Variants in RAB29 observed in about 807,000 individuals in gnomAD.
RAB29 encodes the protein RAB29, member RAS oncogene family.
A neutral mutation model predicts 25.5 loss-of-function variants in RAB29; 13 were observed. The observed-to-expected ratio is 0.51, with a 90% CI of 0.33 to 0.81. The LOEUF (loss-of-function observed/expected upper bound fraction) is 0.81. Ranked by LOEUF, RAB29 falls within the 30% of genes least tolerant of loss-of-function variation. The pLI is 0.02. For synonymous variants in RAB29, 88 were observed against 95.0 expected (o/e 0.93, Z 0.43); for missense variants, 201 against 254.9 (o/e 0.79, Z 1.44).
rs945479241 is a variant in RAB29 at position 205,769,313 on chromosome 1, C to T, written c.*1029G>A. The stretch of plus-strand genomic sequence containing the variant: ...TCACTTGCAGTATTATGCATTAAGA[C>T]ATCAACCCAGAAACCTGCAAATGGG... On this transcript the variant is annotated 3_prime_UTR_variant, in exon 6 of 6. Coordinates refer to ENST00000367139, the MANE Select transcript of RAB29 (RefSeq NM_003929.3). 5.9e-5 allele frequency: 9 copies of T among 152,212 alleles called. No homozygotes were observed. Among genetic ancestry groups the T allele is most frequent in the African/African-American group, 2.2e-4 (9 of 41,448 alleles). 9.4% of individuals were successfully genotyped at this position (152,212 alleles called of 1,614,324 possible). A position where few individuals can be genotyped will look rare whatever the true frequency, so the allele number is the denominator to read the frequency against.
In RAB29 at chr1:205,769,237, C is replaced by A. The variant is rs1654866349; in HGVS notation, c.*1105G>T. ...TCTCTTTTCTTCTTCCATTCAGATT[C>A]CCAAAGCTGTGAGGAGCAGACCTAT... On this transcript the variant is annotated 3_prime_UTR_variant, in exon 6 of 6. Transcript: ENST00000367139. 1 of 152,132 alleles carries A rather than the reference C, an allele frequency of 6.6e-6. No individual in the cohort carries two copies. Among genetic ancestry groups the A allele is most frequent in the African/African-American group, 2.4e-5 (1 of 41,380 alleles). 9.4% of individuals were successfully genotyped at this position (152,132 alleles called of 1,614,324 possible). A position where few individuals can be genotyped will look rare whatever the true frequency, so the allele number is the denominator to read the frequency against.
In RAB29 at chr1:205,770,212, A is replaced by G. The variant is rs1654916088; in HGVS notation, c.*130T>C. ...TTCCAGGTGTCTTTTCTAAGTGACA[A>G]TGGGCCTCCTTACTGGACAGTAGTC... On this transcript the variant is annotated 3_prime_UTR_variant, in exon 6 of 6. Coordinates refer to ENST00000367139, the MANE Select transcript of RAB29 (RefSeq NM_003929.3). The G allele has an allele frequency of 5.3e-6, 4 of 759,666 alleles. No homozygotes were observed. The East Asian group carries it at 8.0e-5, about 15-fold the overall frequency. 47.1% of individuals were successfully genotyped at this position (759,666 alleles called of 1,614,324 possible). A position where few individuals can be genotyped will look rare whatever the true frequency, so the allele number is the denominator to read the frequency against.
intron 3 of RAB29, 103 bp downstream of exon 3, chr1:205,772,393 T>C (rs2102478134): frequency 8.3e-7 from 1 of 1,199,706 alleles, no homozygotes; most frequent in East Asian, 2.3e-5. Context: ...TCATTCCAGC[T>C]TCAGAAAAAC....
Position 205,770,384 on chromosome 1 carries a change from G to A in RAB29, c.570C>T (p.Tyr190=). 6.2e-7 allele frequency: 1 copy of A among 1,614,160 alleles called. No individual in the cohort carries two copies. The change falls in exon 6 of 6, where the codon TAC becomes TAT. Residue 190 remains tyrosine (Y), a synonymous_variant. Coordinates refer to ENST00000367139, the MANE Select transcript of RAB29 (RefSeq NM_003929.3). ...DIMSLSTQGD[Y]INLQTKSSSW... The stretch of plus-strand genomic sequence containing the variant: ...TGGAGGACTTGGTTTGTAGATTGAT[G>A]TAGTCCCCTTGGGTGGACAAAGACA...
At chr1:205,773,299 A>T (rs865939908) in intron 2 of RAB29, among the ~76,000 whole-genome samples, 3 of 129,790 alleles carry the variant, frequency 2.3e-5, no homozygotes, top group Non-Finnish European at 5.0e-5. Flanking sequence ...ATCAAAGCTA[A>T]GGGAAATTTA....
In RAB29 at chr1:205,774,862, A is replaced by G. The variant is rs1001571954; in HGVS notation, c.95T>C (p.Phe32Ser). 4.1e-6 allele frequency: 6 copies of G among 1,450,574 alleles called. No individual in the cohort carries two copies. The highest frequency in any genetic ancestry group is 5.6e-6 in the Non-Finnish European group (6 of 1,076,968). 89.9% of individuals were successfully genotyped at this position (1,450,574 alleles called of 1,614,324 possible). A position where few individuals can be genotyped will look rare whatever the true frequency, so the allele number is the denominator to read the frequency against. ...CACCGTGGACTTGTAGTGTTTGCTG[A>G]AGCTGTCCTGGGAATATCGCTGCAC... ...SLVQRYSQDSFSKHYKSTVGV... is the reference protein window; with the variant it reads ...SLVQRYSQDSSSKHYKSTVGV... Residue 32 changes from phenylalanine to serine, a missense_variant, in exon 2 of 6, where the codon TTC becomes TCC. Phe to Ser is a radical substitution (Grantham distance 155). Transcript: ENST00000367139.
chr1:205,770,142 C>A lies in RAB29; in HGVS notation c.*200G>T, dbSNP rs1654913791. On this transcript the variant is annotated 3_prime_UTR_variant, in exon 6 of 6. Transcript: ENST00000367139. ...ACTAACTGGCACTAATGTGAGCCAG[C>A]AACATGTGAAAGGCTAATCCAGGAG... 6.6e-6 allele frequency: 4 copies of A among 603,584 alleles called. No individual in the cohort carries two copies. In the South Asian group the frequency reaches 7.9e-5, roughly 12 times the overall value. 37.4% of individuals were successfully genotyped at this position (603,584 alleles called of 1,614,324 possible).
Position 205,770,257 on chromosome 1 carries a change from C to A in RAB29, c.*85G>T. On this transcript the variant is annotated 3_prime_UTR_variant, in exon 6 of 6. Coordinates refer to ENST00000367139, the MANE Select transcript of RAB29 (RefSeq NM_003929.3). Reference sequence around the variant, plus strand: ...GTAGTCAGGAGACAATTCAAATGTACTTAATAAAATTGTCAGGTGGGCAAC... The same window carrying A: ...GTAGTCAGGAGACAATTCAAATGTAATTAATAAAATTGTCAGGTGGGCAAC... The A allele has an allele frequency of 9.1e-7, 1 of 1,095,608 alleles. No individual in the cohort carries two copies. Among genetic ancestry groups the A allele is most frequent in the Non-Finnish European group, 1.4e-6 (1 of 719,986 alleles). The allele number at this position is 1,095,608 out of a possible 1,614,324, so 67.9% of individuals were successfully genotyped here.
Position 205,775,003 on chromosome 1 carries a change from A to G in RAB29, c.-47T>C. On this transcript the variant is annotated 5_prime_UTR_variant, in exon 2 of 6. Coordinates refer to ENST00000367139, the MANE Select transcript of RAB29 (RefSeq NM_003929.3). ...AGGGAGGCGGGAAGTGTGGTCGGGG[A>G]TCGGGGGTCGCTCGTTTTAACCCCT... is the stretch of plus-strand genomic sequence containing the variant. The G allele has an allele frequency of 6.2e-7, 1 of 1,609,250 alleles. No homozygotes were observed. Among genetic ancestry groups the G allele is most frequent in the Non-Finnish European group, 8.5e-7 (1 of 1,179,194 alleles).
chr1:205,773,238 CAG>C (rs1438822929), intron 2 of RAB29, among the ~76,000 whole-genome samples: 1 of 152,080 alleles, frequency 6.6e-6, no homozygotes, highest in Admixed American at 6.5e-5. Flanking sequence ...AGGAGAGAAA[CAG>C]AGTAATTTCT....
intron 2 of RAB29, among the ~76,000 whole-genome samples, chr1:205,774,282 G>A (rs901066205): frequency 6.6e-6 from 1 of 152,204 alleles, no homozygotes; most frequent in African/African-American, 2.4e-5. Context: ...CTCGTTCGGG[G>A]ATTTTGTGTC....
chr1:205,770,416 C>A lies in RAB29; in HGVS notation c.538G>T (p.Asp180Tyr). 1 of 1,614,156 alleles carries A rather than the reference C, an allele frequency of 6.2e-7. No homozygotes were observed. ...IEKMMRNSTEDIMSLSTQGDY... is the reference protein window; with the variant it reads ...IEKMMRNSTEYIMSLSTQGDY... ...CCTTGGGTGGACAAAGACATGATAT[C>A]TTCTGTGGAATTTCTCATCATCTTT... The change falls in exon 6 of 6, where the codon GAT (aspartate) becomes TAT (tyrosine). Residue 180 changes from aspartate (D) to tyrosine (Y), a missense_variant. Coordinates refer to ENST00000367139, the MANE Select transcript of RAB29 (RefSeq NM_003929.3).
Position 205,774,820 on chromosome 1 carries a change from C to CCCG in RAB29, c.124+12_124+13insCGG. ...TCCTCCCCCTCCCCCTCCCCACCCC[C>CCCG]GAGACGTCTCACCTCCCACCGTGGA... On this transcript the variant is annotated intron_variant, in intron 2 of 5. Transcript: ENST00000367139. 5 of 1,568,718 alleles carry CCCG rather than the reference C, an allele frequency of 3.2e-6. No individual in the cohort carries two copies. Among genetic ancestry groups the CCCG allele is most frequent in the Admixed American group, 3.6e-5 (2 of 55,982 alleles).
rs892019388 is a variant in RAB29, at chr1:205,774,820, C to T, written c.124+13G>A. ...TCCTCCCCCTCCCCCTCCCCACCCC[C>T]GAGACGTCTCACCTCCCACCGTGGA... On this transcript the variant is annotated intron_variant, in intron 2 of 5. Coordinates refer to ENST00000367139, the MANE Select transcript of RAB29 (RefSeq NM_003929.3). 2 of 1,568,784 alleles carry T rather than the reference C, an allele frequency of 1.3e-6. No homozygotes were observed. The highest frequency in any genetic ancestry group is 2.4e-5 in the East Asian group (1 of 41,978).
In RAB29 at chr1:205,773,732, C is replaced by T. The variant is rs1190917232; in HGVS notation, c.124+1101G>A. ...GTTTCCCATGGCTGGTCTCGAACTC[C>T]TGGGCTCAAGCAATCCTCCCGCCTC... On this transcript the variant is annotated intron_variant, in intron 2 of 5. Transcript: ENST00000367139. Among the ~76,000 whole-genome samples, 3 of 152,118 alleles carry T rather than the reference C, an allele frequency of 2.0e-5. No homozygotes were observed. The East Asian group carries it at 5.8e-4, about 29-fold the overall frequency.
intron 2 of RAB29, among the ~76,000 whole-genome samples, chr1:205,774,176 C>T (rs758042002): frequency 2.6e-5 from 4 of 152,240 alleles, no homozygotes; most frequent in Non-Finnish European, 5.9e-5. Flanking sequence ...ATTTCACATT[C>T]TTGGAAGAAT....
intron 3 of RAB29, 152 bp from the exon 4 acceptor site, chr1:205,771,805 C>A: frequency 2.5e-6 from 2 of 806,058 alleles, no homozygotes; most frequent in Non-Finnish European, 4.1e-6. Flanking sequence ...GATAATGAAG[C>A]CCAATTATTT....
rs1024858205 is a variant in RAB29 at position 205,769,142 on chromosome 1, A to G, written c.*1200T>C. On this transcript the variant is annotated 3_prime_UTR_variant, in exon 6 of 6. Coordinates refer to ENST00000367139, the MANE Select transcript of RAB29 (RefSeq NM_003929.3). ...TTTCCTCCCCCAGGCTAGGACCTGC[A>G]CATAATATGTTTCCTATGACTAAGT... The G allele has an allele frequency of 2.6e-5, 4 of 152,222 alleles. No individual in the cohort carries two copies. The highest frequency in any genetic ancestry group is 9.6e-5 in the African/African-American group (4 of 41,462). The allele number at this position is 152,222 out of a possible 1,614,324, so 9.4% of individuals were successfully genotyped here. A position where few individuals can be genotyped will look rare whatever the true frequency, so the allele number is the denominator to read the frequency against.
chr1:205,770,885 C>T, intron 4 of RAB29, 31 bp from the exon 5 acceptor site: 1 of 1,612,956 alleles, frequency 6.2e-7, no homozygotes. Flanking sequence ...AAGGCAGTAT[C>T]ATAAACTTCC....
Sources: allele counts gnomAD v4.1 joint callset (sites outside exome capture counted in the v4.1 genomes callset), GRCh38; gene constraint gnomAD v4.1.1; transcripts MANE v1.5; gene names NCBI Gene and HGNC (gene_info 2026-07-23, HGNC 2026-07-21).